The following SLC25A26 variants were observed in gnomAD, a reference collection of about 807,000 sequenced individuals.
The protein encoded by SLC25A26 is mitochondrial S-adenosylmethionine carrier protein.
Under a neutral mutation model 37.8 loss-of-function variants are expected in SLC25A26, and 36 were observed. The ratio of observed to expected loss-of-function variants is 0.95; its 90% CI spans 0.73 to 1.26. The LOEUF (loss-of-function observed/expected upper bound fraction) is 1.26. SLC25A26 is among the 50% of genes most tolerant of loss of function. SLC25A26 has a pLI of 0.00. For missense variants in SLC25A26, 390 were observed against 331.1 expected, an observed-to-expected ratio of 1.18 and a Z score of -1.38; for synonymous variants, 129 against 122.5, an observed-to-expected ratio of 1.05 and a Z score of -0.35.
Position 66,294,204 on chromosome 3 carries a change from G to A in SLC25A26, c.453+30825G>A, listed in dbSNP as rs529929718. Among the ~76,000 whole-genome samples the A allele has an allele frequency of 3.9e-5, 6 of 152,214 alleles. No individual in the cohort carries two copies. The South Asian group carries it at 1.0e-3, about 26-fold the overall frequency. Reference sequence around the variant, plus strand: ...CTTGTGTCATCTCTGATACCTCTGAGCAGTGTTTTCTAGTTCTCCTTGTAG... The same window carrying A: ...CTTGTGTCATCTCTGATACCTCTGAACAGTGTTTTCTAGTTCTCCTTGTAG... On this transcript the variant is annotated intron_variant, in intron 5 of 9. Transcript: ENST00000354883.
At chr3:66,187,658 A>G (rs1441880562) in intron 1 of SLC25A26, among the ~76,000 whole-genome samples, 1 of 151,748 alleles carries the variant, frequency 6.6e-6, no homozygotes, top group Non-Finnish European at 1.5e-5. Context: ...TACCAATGAC[A>G]TTCTCATCAA....
At chr3:66,356,106 C>T (rs2107781250) in intron 6 of SLC25A26, 1 of 456,010 alleles carries the variant, frequency 2.2e-6, no homozygotes, top group East Asian at 6.9e-5. Flanking sequence ...TTCACTGGAG[C>T]CAAAACAGTT....
chr3:66,296,878 C>T (rs774819047), intron 5 of SLC25A26, among the ~76,000 whole-genome samples: 10 of 152,170 alleles, frequency 6.6e-5, no homozygotes, highest in African/African-American at 1.7e-4. Flanking sequence ...GAGAAGTCCT[C>T]GATTCTGTTT....
intron 1 of SLC25A26, among the ~76,000 whole-genome samples, chr3:66,175,140 T>TATACACAC (rs1413714739): frequency 2.8e-4 from 19 of 67,002 alleles, no homozygotes; most frequent in African/African-American, 1.2e-3. Context: ...TATATATATA[T>TATACACAC]ACACACACAC....
At chr3:66,215,522 C>T (rs2071347774) in intron 1 of SLC25A26, among the ~76,000 whole-genome samples, 2 of 152,202 alleles carry the variant, frequency 1.3e-5, no homozygotes, top group Non-Finnish European at 2.9e-5. Context: ...AATATGTAAC[C>T]GTTTTAGGAG....
chr3:66,137,385 C>T (rs1488717821), intron 1 of SLC25A26, among the ~76,000 whole-genome samples: 1 of 151,932 alleles, frequency 6.6e-6, no homozygotes, highest in Non-Finnish European at 1.5e-5. Context: ...TGCCACCAGG[C>T]CTGGGTAATT....
intron 5 of SLC25A26, among the ~76,000 whole-genome samples, chr3:66,300,714 T>TC (rs2075052569): frequency 6.6e-6 from 1 of 152,168 alleles, no homozygotes. Flanking sequence ...AGTATAATTT[T>TC]CTAGAAAGAA....
At position 66,190,100 on chromosome 3, in the gene SLC25A26, C is replaced by A. The variant is rs955929174; in HGVS notation, c.-353-30642C>A. ...GCCGAGGCAGGTGGATTGCTTGAGT[C>A]CAGAAGTTTGAGACCAGGCTGGGCA... On this transcript the variant is annotated intron_variant, in intron 1 of 10. Transcript: ENST00000676754. 6.9e-3 allele frequency among the ~76,000 whole-genome samples: 1,057 copies of A among 152,162 alleles called. 21 individuals are homozygous for A. The highest frequency in any genetic ancestry group is 0.024 in the African/African-American group (1,012 of 41,522).
intron 1 of SLC25A26, among the ~76,000 whole-genome samples, chr3:66,223,188 C>A (rs1553659301): frequency 6.6e-6 from 1 of 152,160 alleles, no homozygotes; most frequent in Non-Finnish European, 1.5e-5. Context: ...TATTGGTGAA[C>A]CTCTTAGATG....
intron 1 of SLC25A26, among the ~76,000 whole-genome samples, chr3:66,212,485 GA>G (rs1193065395): frequency 2.4e-4 from 36 of 151,896 alleles, no homozygotes; most frequent in Non-Finnish European, 4.4e-4. Flanking sequence ...ATATGTATAG[GA>G]AAAAAACCTA....
intron 5 of SLC25A26, among the ~76,000 whole-genome samples, chr3:66,296,619 AAGT>A (rs1185873605): frequency 2.0e-5 from 3 of 152,228 alleles, no homozygotes; most frequent in Non-Finnish European, 4.4e-5. Flanking sequence ...TTAGGTATCT[AAGT>A]AGTGAAGATA....
At chr3:66,138,748 G>A (rs1050595106) in intron 1 of SLC25A26, among the ~76,000 whole-genome samples, 9 of 152,094 alleles carry the variant, frequency 5.9e-5, no homozygotes, top group Non-Finnish European at 1.0e-4. Flanking sequence ...TTCACAAACC[G>A]TATTGGGAGG....
chr3:66,226,870 G>A (rs1298086527), intron 1 of SLC25A26, among the ~76,000 whole-genome samples: 2 of 2,162 alleles, frequency 9.3e-4, no homozygotes, highest in East Asian at 0.011. Flanking sequence ...CATTAAAAAC[G>A]CTTTGGTTGT....
At chr3:66,351,904 C>A (rs1200676631) in intron 6 of SLC25A26, among the ~76,000 whole-genome samples, 1 of 152,108 alleles carries the variant, frequency 6.6e-6, no homozygotes, top group East Asian at 1.9e-4. Context: ...TCATTTCACT[C>A]AGGCTTTCCC....
At chr3:66,241,443 A>T (rs1211149984) in intron 2 of SLC25A26, among the ~76,000 whole-genome samples, 1 of 152,200 alleles carries the variant, frequency 6.6e-6, no homozygotes, top group African/African-American at 2.4e-5. Flanking sequence ...CATATTGCAT[A>T]GAAAGATTAT....
At chr3:66,374,378 T>G (rs1026434933) in intron 9 of SLC25A26, among the ~76,000 whole-genome samples, 1 of 152,216 alleles carries the variant, frequency 6.6e-6, no homozygotes, top group East Asian at 1.9e-4. Context: ...TGTAATTGTT[T>G]TGGGGCATCA....
chr3:66,194,316 G>A (rs2071002525), intron 1 of SLC25A26, among the ~76,000 whole-genome samples: 1 of 152,194 alleles, frequency 6.6e-6, no homozygotes, highest in African/African-American at 2.4e-5. Context: ...GTTGGGGGTT[G>A]AAAGGGTTCA....
At chr3:66,151,340 G>T (rs1235780167) in intron 1 of SLC25A26, among the ~76,000 whole-genome samples, 1 of 152,100 alleles carries the variant, frequency 6.6e-6, no homozygotes, top group Non-Finnish European at 1.5e-5. Flanking sequence ...GGGAAGCAGG[G>T]GGCAGGGAGT....
At chr3:66,284,639 GAAC>G (rs764551128) in intron 5 of SLC25A26, among the ~76,000 whole-genome samples, 1 of 151,982 alleles carries the variant, frequency 6.6e-6, no homozygotes, top group Non-Finnish European at 1.5e-5. Flanking sequence ...AGTGTAAAAA[GAAC>G]AAACTGCAGC....
Sources: allele counts gnomAD v4.1 joint callset (sites outside exome capture counted in the v4.1 genomes callset), GRCh38; gene constraint gnomAD v4.1.1; transcripts MANE v1.5; gene names NCBI Gene and HGNC (gene_info 2026-07-23, HGNC 2026-07-21).